IL7R: variants seen among roughly 807,000 people sequenced by gnomAD.
IL7R encodes the protein interleukin 7 receptor.
Under a neutral mutation model 47.0 loss-of-function variants are expected in IL7R, and 38 were observed. That is an observed-to-expected ratio of 0.81 (90% confidence interval 0.62 to 1.06). The LOEUF (loss-of-function observed/expected upper bound fraction) is 1.06, where lower values mean the gene tolerates loss of function less well. Among genes scored for constraint, IL7R ranks in the 50% least tolerant of loss-of-function variants. The pLI is 0.00. For missense variants in IL7R, 633 were observed against 534.8 expected (o/e 1.18, Z -1.81); for synonymous variants, 221 against 199.8 (o/e 1.11, Z -0.89).
intron 4 of IL7R, among the ~76,000 whole-genome samples, chr5:35,872,771 A>G (rs994585974): frequency 6.6e-6 from 1 of 152,160 alleles, no homozygotes; most frequent in African/African-American, 2.4e-5. Context: ...CAAAAATGCA[A>G]ATTTAAAAGT....
intron 4 of IL7R, among the ~76,000 whole-genome samples, chr5:35,872,912 A>C (rs1760105753): frequency 6.6e-6 from 1 of 152,214 alleles, no homozygotes; most frequent in Non-Finnish European, 1.5e-5. Context: ...AAATCTCATA[A>C]AGTATGGAAT....
chr5:35,862,862 A>C (rs911510008), intron 2 of IL7R, among the ~76,000 whole-genome samples: 4 of 152,226 alleles, frequency 2.6e-5, no homozygotes, highest in African/African-American at 9.6e-5. Context: ...GTTTCTCCAC[A>C]TCCCATGTTT....
rs78624782 is a variant in IL7R, at chr5:35,861,239, C to G, written c.221+249C>G. ...GCTCTGGATCTTGGGGATCCCACATCCCTCCCAACTTCATATCAGAATTTA... is the reference window on the plus strand; with the variant it reads ...GCTCTGGATCTTGGGGATCCCACATGCCTCCCAACTTCATATCAGAATTTA... On this transcript the variant is annotated intron_variant, in intron 2 of 7. Transcript: ENST00000303115. Among the ~76,000 whole-genome samples the G allele has an allele frequency of 0.016, 2,430 of 152,200 alleles. 76 individuals are homozygous for G. The highest frequency in any genetic ancestry group is 0.055 in the African/African-American group (2,277 of 41,518).
Position 35,876,465 on chromosome 5 carries a change from C to A in IL7R, c.1359C>A (p.Ser453=), listed in dbSNP as rs2149906423. 6.2e-7 allele frequency: 1 copy of A among 1,603,412 alleles called. No individual in the cohort carries two copies. The highest frequency in any genetic ancestry group is 8.5e-7 in the Non-Finnish European group (1 of 1,179,932). ...AAGAAGAAGCATATGTCACCATGTC[C>A]AGCTTCTACCAAAACCAGTGAAGTG... is the stretch of plus-strand genomic sequence containing the variant. ...SNQEEAYVTM[S]SFYQNQ Residue 453 remains serine (S), a synonymous_variant, in exon 8 of 8, where the codon TCC becomes TCA. Transcript: ENST00000303115.
chr5:35,857,059 G>A lies in IL7R; in HGVS notation c.82G>A (p.Gly28Arg). ...VSGESGYAQN[G>R]DLEDAELDDY... ...TGGAGAAAGTGGCTATGCTCAAAAT[G>A]GTGAGTCATTTCTAAGTTTTCTTAT... The change falls in exon 1 of 8, where the codon GGA (glycine) becomes AGA (arginine). Residue 28 changes from glycine to arginine, a missense_variant and splice_region_variant. Gly to Arg is a moderately radical substitution (Grantham distance 125, BLOSUM62 -2). Transcript: ENST00000303115. The A allele has an allele frequency of 1.3e-6, 2 of 1,580,842 alleles. No individual in the cohort carries two copies. The highest frequency in any genetic ancestry group is 8.7e-7 in the Non-Finnish European group (1 of 1,150,340).
intron 2 of IL7R, among the ~76,000 whole-genome samples, chr5:35,862,688 C>A (rs1561419652): frequency 6.6e-6 from 1 of 152,056 alleles, no homozygotes; most frequent in Non-Finnish European, 1.5e-5. Context: ...ATTTCATTCT[C>A]AAAATCATGG....
intron 2 of IL7R, among the ~76,000 whole-genome samples, chr5:35,864,538 G>A (rs531400181): frequency 6.6e-6 from 1 of 152,198 alleles, no homozygotes; most frequent in East Asian, 1.9e-4. Context: ...TTGACTTTGG[G>A]ATAGTATCTC....
intron 2 of IL7R, among the ~76,000 whole-genome samples, chr5:35,864,700 T>G (rs999064906): frequency 6.6e-6 from 1 of 152,178 alleles, no homozygotes; most frequent in Non-Finnish European, 1.5e-5. Flanking sequence ...CTTTATACAT[T>G]CTGTATACAT....
intron 1 of IL7R, among the ~76,000 whole-genome samples, chr5:35,859,273 C>T (rs1470315070): frequency 6.6e-6 from 1 of 152,126 alleles, no homozygotes; most frequent in East Asian, 1.9e-4. Flanking sequence ...AAAGCCGACC[C>T]ACAGGATGTC....
chr5:35,860,968 A>C lies in IL7R; in HGVS notation c.199A>C (p.Thr67Pro). 1 of 1,613,496 alleles carries C rather than the reference A, an allele frequency of 6.2e-7. No homozygotes were observed. The highest frequency in any genetic ancestry group is 8.5e-7 in the Non-Finnish European group (1 of 1,179,482). Residue 67 changes from threonine (T) to proline (P), a missense_variant, in exon 2 of 8, where the codon ACC (threonine) becomes CCC (proline). Thr to Pro is a conservative substitution (Grantham distance 38). Coordinates refer to ENST00000303115, the MANE Select transcript of IL7R (RefSeq NM_002185.5). Reference sequence around the variant, plus strand: ...TTTTGAGGACCCAGATGTCAACATCACCAATCTGGAATTTGAAATATGGTG... The same window carrying C: ...TTTTGAGGACCCAGATGTCAACATCCCCAATCTGGAATTTGAAATATGGTG... ...CAFEDPDVNI[T>P]NLEFEICGAL...
At position 35,878,907 on chromosome 5, in the gene IL7R, T is replaced by C. The variant is rs1430908357; in HGVS notation, c.*2421T>C. 8.6e-6 allele frequency: 2 copies of C among 232,882 alleles called. No homozygotes were observed. The highest frequency in any genetic ancestry group is 5.6e-5 in the Admixed American group (1 of 17,778). 14.4% of individuals were successfully genotyped at this position (232,882 alleles called of 1,614,324 possible). A position where few individuals can be genotyped will look rare whatever the true frequency, so the allele number is the denominator to read the frequency against. On this transcript the variant is annotated 3_prime_UTR_variant, in exon 8 of 8. Coordinates refer to ENST00000303115, the MANE Select transcript of IL7R (RefSeq NM_002185.5). Reference sequence around the variant, plus strand: ...CTTTGTTTCAATGTTGTTTGGCATATGTTATCTTTGGAATTTAGTGTCTGA... The same window carrying C: ...CTTTGTTTCAATGTTGTTTGGCATACGTTATCTTTGGAATTTAGTGTCTGA...
chr5:35,869,515 C>T (rs988654615), intron 3 of IL7R, among the ~76,000 whole-genome samples: 1 of 152,192 alleles, frequency 6.6e-6, no homozygotes, highest in Non-Finnish European at 1.5e-5. Context: ...TCCCTTTAAA[C>T]CATTTTACAG....
In IL7R at chr5:35,876,031, C is replaced by A; in HGVS notation, c.925C>A (p.His309Asn). ...TGAAAGTTTCCTGGACTGCCAGATT[C>A]ATAGGGTGGATGACATTCAAGCTAG... is the stretch of plus-strand genomic sequence containing the variant. ...NPESFLDCQI[H>N]RVDDIQARDE... is the part of the protein sequence containing the mutation. Residue 309 changes from histidine (H) to asparagine (N), a missense_variant, in exon 8 of 8, where the codon CAT (histidine) becomes AAT (asparagine). By Grantham distance (68) the His-to-Asn change is moderately conservative. Coordinates refer to ENST00000303115, the MANE Select transcript of IL7R (RefSeq NM_002185.5). 6.2e-7 allele frequency: 1 copy of A among 1,614,028 alleles called. No homozygotes were observed. Among genetic ancestry groups the A allele is most frequent in the African/African-American group, 1.3e-5 (1 of 75,048 alleles).
At position 35,877,058 on chromosome 5, in the gene IL7R, G is replaced by T. The variant is rs1760237062; in HGVS notation, c.*572G>T. ...AGGGAGGGGCCAAGATATGATGGCT[G>T]GGAGTCTAATTGCAGTTCCCTGAGC... On this transcript the variant is annotated 3_prime_UTR_variant, in exon 8 of 8. Coordinates refer to ENST00000303115, the MANE Select transcript of IL7R (RefSeq NM_002185.5). The T allele has an allele frequency of 4.2e-6, 1 of 236,914 alleles. No homozygotes were observed. Among genetic ancestry groups the T allele is most frequent in the African/African-American group, 2.2e-5 (1 of 45,440 alleles). 14.7% of individuals were successfully genotyped at this position (236,914 alleles called of 1,614,324 possible).
Position 35,876,696 on chromosome 5 carries a change from G to A in IL7R, c.*210G>A. 1.6e-6 allele frequency: 1 copy of A among 608,562 alleles called. No homozygotes were observed. The highest frequency in any genetic ancestry group is 2.9e-6 in the Non-Finnish European group (1 of 343,244). 37.7% of individuals were successfully genotyped at this position (608,562 alleles called of 1,614,324 possible). On this transcript the variant is annotated 3_prime_UTR_variant, in exon 8 of 8. Coordinates refer to ENST00000303115, the MANE Select transcript of IL7R (RefSeq NM_002185.5). Reference sequence around the variant, plus strand: ...GTCAAGAGCATCCTGCTTCTACCATGTGGATTTGGTCACAAGGTTTAAGGT... The same window carrying A: ...GTCAAGAGCATCCTGCTTCTACCATATGGATTTGGTCACAAGGTTTAAGGT...
At chr5:35,857,191 C>G (rs964108253) in intron 1 of IL7R, 132 bp downstream of exon 1, 2 of 653,380 alleles carry the variant, frequency 3.1e-6, no homozygotes, top group South Asian at 3.0e-5. Flanking sequence ...CATATTCAGT[C>G]ATTTTTTTTA....
At chr5:35,866,720 TC>T (rs1323334519) in intron 2 of IL7R, among the ~76,000 whole-genome samples, 1 of 152,166 alleles carries the variant, frequency 6.6e-6, no homozygotes, top group Non-Finnish European at 1.5e-5. Flanking sequence ...ACTTTTAACA[TC>T]TGCATGTTCT....
At chr5:35,861,011 T>C in intron 2 of IL7R, 21 bp downstream of exon 2, 5 of 1,612,166 alleles carry the variant, frequency 3.1e-6, no homozygotes, top group Non-Finnish European at 4.2e-6. Flanking sequence ...GTGGTTTTAA[T>C]GGTTGCTTAG....
In IL7R at chr5:35,876,602, TAC is replaced by T; in HGVS notation, c.*120_*121del. 1 of 1,063,114 alleles carries T rather than the reference TAC, an allele frequency of 9.4e-7. No homozygotes were observed. The highest frequency in any genetic ancestry group is 1.3e-5 in the South Asian group (1 of 75,314). 65.9% of individuals were successfully genotyped at this position (1,063,114 alleles called of 1,614,324 possible). A position where few individuals can be genotyped will look rare whatever the true frequency, so the allele number is the denominator to read the frequency against. ...GAAGACAAAATTAGCAAAACCCCAC[TAC>T]ACAGTCTGCAAGATTCTGAAACATT... On this transcript the variant is annotated 3_prime_UTR_variant, in exon 8 of 8. Transcript: ENST00000303115.
Sources: allele counts gnomAD v4.1 joint callset (sites outside exome capture counted in the v4.1 genomes callset), GRCh38; gene constraint gnomAD v4.1.1; transcripts MANE v1.5; gene names NCBI Gene and HGNC (gene_info 2026-07-23, HGNC 2026-07-21).